EPSTI1: variants seen among roughly 807,000 people sequenced by gnomAD.
The protein encoded by EPSTI1 is epithelial stromal interaction 1.
EPSTI1 carries 66 observed loss-of-function variants against 49.9 expected under a neutral mutation model. The ratio of observed to expected loss-of-function variants is 1.32; its 90% CI spans 1.08 to 1.62. The LOEUF (loss-of-function observed/expected upper bound fraction) is 1.62. Among genes scored for constraint, EPSTI1 ranks in the 40% most tolerant of loss-of-function variants. The pLI is 0.00. For missense variants in EPSTI1, 394 were observed against 365.5 expected (o/e 1.08, Z -0.64); for synonymous variants, 137 against 130.7 (o/e 1.05, Z -0.33).
intron 5 of EPSTI1, 111 bp from the exon 6 acceptor site, chr13:42,954,132 T>A (rs1178035130): frequency 1.3e-6 from 1 of 785,310 alleles, no homozygotes; most frequent in Non-Finnish European, 2.0e-6. Flanking sequence ...CTTGATAGTC[T>A]AATACAGTAT....
At position 42,886,552 on chromosome 13, in the gene EPSTI1, G is replaced by A. The variant is rs2036873182; in HGVS notation, c.*1942C>T. 6.6e-6 allele frequency: 1 copy of A among 151,960 alleles called. No homozygotes were observed. Among genetic ancestry groups the A allele is most frequent in the Non-Finnish European group, 1.5e-5 (1 of 67,980 alleles). The allele number at this position is 151,960 out of a possible 1,614,324, so 9.4% of individuals were successfully genotyped here. Reference sequence around the variant, plus strand: ...CATTAAAATTAAGCATAGAAATGGTGGAACTTTGGGATTTCCTGTCCAGTC... The same window carrying A: ...CATTAAAATTAAGCATAGAAATGGTAGAACTTTGGGATTTCCTGTCCAGTC... On this transcript the variant is annotated 3_prime_UTR_variant, in exon 11 of 11. Transcript: ENST00000313624.
intron 8 of EPSTI1, among the ~76,000 whole-genome samples, chr13:42,913,298 T>C (rs1421847809): frequency 6.6e-6 from 1 of 152,134 alleles, no homozygotes; most frequent in Non-Finnish European, 1.5e-5. Context: ...GACATTTCTT[T>C]CCACTCAAAA....
In EPSTI1 at chr13:42,970,634, G is replaced by A. The variant is rs776858255; in HGVS notation, c.225C>T (p.Asn75=). ...SAYTLIAPNI[N]RRNEIQRIAE... is the part of the protein sequence containing the mutation. ...TACTTCTTTGTATCTCATTTCTCCG[G>A]TTTATATTTGGTGCTATCAAGGTGT... Residue 75 remains asparagine (N), a synonymous_variant, in exon 2 of 11, where the codon AAC becomes AAT. Transcript: ENST00000313624. 79 of 1,610,428 alleles carry A rather than the reference G, an allele frequency of 4.9e-5. No homozygotes were observed. The South Asian group carries it at 8.1e-4, about 17-fold the overall frequency.
intron 3 of EPSTI1, among the ~76,000 whole-genome samples, 161 bp downstream of exon 3, chr13:42,968,933 C>CACACAG (rs1271177248): frequency 3.3e-4 from 42 of 128,286 alleles, no homozygotes; most frequent in African/African-American, 1.2e-3. Context: ...CACACACACA[C>CACACAG]ACACACACAC....
intron 8 of EPSTI1, among the ~76,000 whole-genome samples, chr13:42,916,098 T>A (rs769281147): frequency 6.6e-6 from 1 of 152,074 alleles, no homozygotes; most frequent in Admixed American, 6.6e-5. Flanking sequence ...AGTTAAAAGC[T>A]CATAGAAGCA....
chr13:42,934,446 C>A (rs144625584), intron 6 of EPSTI1: 1 of 152,918 alleles, frequency 6.5e-6, no homozygotes, highest in African/African-American at 2.4e-5. Flanking sequence ...TTGATGTTGA[C>A]GGCTTTGGCT....
chr13:42,968,907 GAA>G (rs61506027), intron 3 of EPSTI1, among the ~76,000 whole-genome samples, 185 bp downstream of exon 3: 2 of 115,142 alleles, frequency 1.7e-5, no homozygotes, highest in Non-Finnish European at 1.7e-5. Flanking sequence ...CAGAAAATCA[GAA>G]AAAAAAAAAA....
chr13:42,989,560 C>CTTCTTT (rs1555271083), intron 1 of EPSTI1, among the ~76,000 whole-genome samples: 3 of 37,030 alleles, frequency 8.1e-5, no homozygotes, highest in Non-Finnish European at 1.5e-4. Flanking sequence ...ACTTTATCCT[C>CTTCTTT]TTTTTTCTTT....
chr13:42,988,188 T>G (rs149693036), intron 1 of EPSTI1, among the ~76,000 whole-genome samples: 1 of 152,318 alleles, frequency 6.6e-6, no homozygotes, highest in Non-Finnish European at 1.5e-5. Flanking sequence ...ACTAGGTAAA[T>G]GCATGTCTTT....
intron 6 of EPSTI1, among the ~76,000 whole-genome samples, chr13:42,938,666 C>A (rs556751922): frequency 4.6e-5 from 7 of 152,080 alleles, no homozygotes; most frequent in African/African-American, 1.7e-4. Flanking sequence ...GTAATCTCAG[C>A]ACTTTGGGAG....
At chr13:42,939,375 T>G (rs2038677035) in intron 6 of EPSTI1, among the ~76,000 whole-genome samples, 1 of 152,246 alleles carries the variant, frequency 6.6e-6, no homozygotes, top group African/African-American at 2.4e-5. Flanking sequence ...ATCTTGGTTT[T>G]CAACATGCCT....
intron 9 of EPSTI1, among the ~76,000 whole-genome samples, chr13:42,900,059 GT>G (rs2037309970): frequency 6.6e-6 from 1 of 152,096 alleles, no homozygotes; most frequent in African/African-American, 2.4e-5. Flanking sequence ...ACATGAGTCA[GT>G]TTTCTAATGT....
chr13:42,913,651 G>T (rs1230466561), intron 8 of EPSTI1, among the ~76,000 whole-genome samples: 1 of 152,156 alleles, frequency 6.6e-6, no homozygotes, highest in African/African-American at 2.4e-5. Flanking sequence ...CTGAAACACA[G>T]TTCATGCAAA....
In EPSTI1 at chr13:42,992,175, C is replaced by G; in HGVS notation, c.-10G>C. 6.5e-7 allele frequency: 1 copy of G among 1,536,526 alleles called. No homozygotes were observed. The highest frequency in any genetic ancestry group is 2.1e-5 in the Admixed American group (1 of 46,596). Reference sequence around the variant, plus strand: ...TATTGCGGGTGTTCATGGTTCACAGCCCGCGGGTCCCGGGCCGCCGTCGCT... The same window carrying G: ...TATTGCGGGTGTTCATGGTTCACAGGCCGCGGGTCCCGGGCCGCCGTCGCT... On this transcript the variant is annotated 5_prime_UTR_variant, in exon 1 of 11. Transcript: ENST00000313624.
chr13:42,895,180 G>A (rs2037156330), intron 9 of EPSTI1, 72 bp from the exon 10 acceptor site: 10 of 1,229,298 alleles, frequency 8.1e-6, no homozygotes, highest in Non-Finnish European at 1.2e-5. Context: ...AGAATCTAAT[G>A]TGTTGTATGA....
At chr13:42,964,804 C>T (rs1253370223) in intron 3 of EPSTI1, among the ~76,000 whole-genome samples, 1 of 152,112 alleles carries the variant, frequency 6.6e-6, no homozygotes, top group East Asian at 1.9e-4. Flanking sequence ...GGCCAGAAAT[C>T]CTGGCAGCTT....
intron 8 of EPSTI1, among the ~76,000 whole-genome samples, chr13:42,906,499 C>T (rs972003571): frequency 1.3e-5 from 2 of 152,176 alleles, no homozygotes; most frequent in African/African-American, 4.8e-5. Flanking sequence ...CCCAGGAGAG[C>T]CTGTTCTCTC....
At chr13:42,984,975 CTG>C (rs1349853161) in intron 1 of EPSTI1, among the ~76,000 whole-genome samples, 1 of 152,092 alleles carries the variant, frequency 6.6e-6, no homozygotes, top group African/African-American at 2.4e-5. Flanking sequence ...GTTTTAGAGA[CTG>C]TATTAGTTTG....
intron 1 of EPSTI1, among the ~76,000 whole-genome samples, chr13:42,984,560 T>G (rs1294547257): frequency 1.3e-5 from 2 of 152,236 alleles, no homozygotes; most frequent in Admixed American, 6.5e-5. Flanking sequence ...GTGATATTGA[T>G]AAAAATTTAA....
Sources: gnomAD v4.1 joint callset for allele counts (sites outside exome capture counted in the v4.1 genomes callset) on GRCh38, gnomAD v4.1.1 for gene constraint, MANE v1.5 for transcripts, NCBI Gene and HGNC (gene_info 2026-07-23, HGNC 2026-07-21) for gene names.